Variants in NRG3 observed in about 807,000 individuals in gnomAD.
The protein encoded by NRG3 is pro-neuregulin-3, membrane-bound isoform.
Under a neutral mutation model 66.9 loss-of-function variants are expected in NRG3, and 31 were observed. The observed-to-expected ratio is 0.46, with a 90% confidence interval of 0.35 to 0.63. The LOEUF is 0.63. Among genes scored for constraint, NRG3 ranks in the 20% least tolerant of loss-of-function variants. The pLI is 0.00. For missense variants in NRG3, 910 were observed against 878.9 expected (o/e 1.04, Z -0.45); for synonymous variants, 393 against 359.4 (o/e 1.09, Z -1.06).
chr10:81,961,488 C>T (rs72835851), intron 1 of NRG3, among the ~76,000 whole-genome samples: 1 of 356 alleles, frequency 2.8e-3, no homozygotes. Context: ...AATTAATGAA[C>T]TAATGAACTA....
chr10:82,381,060 G>A (rs1290888905), intron 2 of NRG3, among the ~76,000 whole-genome samples: 1 of 152,066 alleles, frequency 6.6e-6, no homozygotes, highest in Non-Finnish European at 1.5e-5. Flanking sequence ...GTTAGACAAA[G>A]TTAAAAGGCA....
At chr10:82,932,145 G>A (rs566092162) in intron 4 of NRG3, among the ~76,000 whole-genome samples, 8 of 152,126 alleles carry the variant, frequency 5.3e-5, no homozygotes, top group East Asian at 1.9e-4. Flanking sequence ...CCTGCTTTCC[G>A]ACAGGTTTCA....
chr10:82,151,778 C>T (rs2070766160), intron 1 of NRG3, among the ~76,000 whole-genome samples: 1 of 152,078 alleles, frequency 6.6e-6, no homozygotes, highest in African/African-American at 2.4e-5. Flanking sequence ...GATCACTGTC[C>T]CATAAAAAAA....
Position 82,358,747 on chromosome 10 carries a change from A to G in NRG3, c.832A>G (p.Thr278Ala). The G allele has an allele frequency of 6.2e-7, 1 of 1,614,130 alleles. No individual in the cohort carries two copies. The highest frequency in any genetic ancestry group is 8.5e-7 in the Non-Finnish European group (1 of 1,179,984). ...TGTGCTTTCCCTGACAGATACGACG[A>G]CATATTCCACAGAGCGATCCGAGCA... is the stretch of plus-strand genomic sequence containing the variant. Reference protein sequence around the residue: ...TSTSPKFHTTTYSTERSEHFK... With the variant: ...TSTSPKFHTTAYSTERSEHFK... The change falls in exon 2 of 9, where the codon ACA becomes GCA. Residue 278 changes from threonine to alanine, a missense_variant. Coordinates refer to ENST00000372141, the MANE Select transcript of NRG3 (RefSeq NM_001010848.4).
Position 82,978,990 on chromosome 10 carries a change from A to G in NRG3, c.1453A>G (p.Met485Val), listed in dbSNP as rs143003674. The change falls in exon 8 of 9, where the codon ATG (methionine) becomes GTG (valine). Residue 485 changes from methionine (M) to valine (V), a missense_variant. Coordinates refer to ENST00000372141, the MANE Select transcript of NRG3 (RefSeq NM_001010848.4). ...CTGCAGCCCAGGGCAAAGAAGTGGC[A>G]TGCTCCATAGGAATGCCTTCAGAAG... is the stretch of plus-strand genomic sequence containing the variant. ...SCCSPGQRSG[M>V]LHRNAFRRTP... 1.9e-6 allele frequency: 3 copies of G among 1,613,920 alleles called. No individual in the cohort carries two copies. The African/African-American group carries it at 4.0e-5, about 22-fold the overall frequency.
chr10:82,681,644 CCTT>C (rs1249424216), intron 2 of NRG3, among the ~76,000 whole-genome samples: 2 of 152,126 alleles, frequency 1.3e-5, no homozygotes, highest in African/African-American at 4.8e-5. Flanking sequence ...AAAAGTGACA[CCTT>C]CTAAAATGAA....
At chr10:82,913,278 T>C (rs1460857077) in intron 4 of NRG3, among the ~76,000 whole-genome samples, 1 of 152,172 alleles carries the variant, frequency 6.6e-6, no homozygotes, top group Non-Finnish European at 1.5e-5. Flanking sequence ...CCTTATAACA[T>C]TGCTGTCATT....
At chr10:82,439,938 T>C (rs952773326) in intron 2 of NRG3, among the ~76,000 whole-genome samples, 2 of 152,084 alleles carry the variant, frequency 1.3e-5, no homozygotes, top group Non-Finnish European at 2.9e-5. Flanking sequence ...GTTTTGTTGT[T>C]GCTTTGTTTT....
intron 8 of NRG3, among the ~76,000 whole-genome samples, chr10:82,982,863 T>C (rs2132683804): frequency 6.6e-6 from 1 of 152,342 alleles, no homozygotes; most frequent in South Asian, 2.1e-4. Flanking sequence ...TTACCAGTCA[T>C]GTGTTCAAAG....
intron 2 of NRG3, among the ~76,000 whole-genome samples, chr10:82,575,214 AAAAC>A (rs1565086913): frequency 6.6e-6 from 1 of 151,812 alleles, no homozygotes; most frequent in African/African-American, 2.4e-5. Flanking sequence ...ATAGAAAACA[AAAAC>A]AAATCTGTAA....
At chr10:82,556,808 G>A (rs2044680709) in intron 2 of NRG3, among the ~76,000 whole-genome samples, 1 of 152,044 alleles carries the variant, frequency 6.6e-6, no homozygotes, top group African/African-American at 2.4e-5. Context: ...CCACCCTGAA[G>A]TAGATCCCAG....
At chr10:82,168,237 G>C (rs1446649778) in intron 1 of NRG3, among the ~76,000 whole-genome samples, 1 of 152,054 alleles carries the variant, frequency 6.6e-6, no homozygotes, top group Non-Finnish European at 1.5e-5. Context: ...ACATTTGGCT[G>C]TCTGCTTATA....
At chr10:81,953,078 T>C (rs534572525) in intron 1 of NRG3, among the ~76,000 whole-genome samples, 1 of 152,260 alleles carries the variant, frequency 6.6e-6, no homozygotes, top group African/African-American at 2.4e-5. Context: ...ACTTAGGGGC[T>C]CACATTTATT....
chr10:82,215,794 G>A (rs1322352349), intron 1 of NRG3, among the ~76,000 whole-genome samples: 11 of 150,322 alleles, frequency 7.3e-5, no homozygotes. Context: ...TTGACATCAT[G>A]CCTTTGTACT....
intron 1 of NRG3, among the ~76,000 whole-genome samples, chr10:82,119,427 A>G (rs1207779126): frequency 6.6e-6 from 1 of 152,180 alleles, no homozygotes; most frequent in Non-Finnish European, 1.5e-5. Context: ...TTGCTCATTT[A>G]ATCTTCACAA....
At chr10:82,704,827 A>T (rs1484874286) in intron 2 of NRG3, among the ~76,000 whole-genome samples, 6 of 152,146 alleles carry the variant, frequency 3.9e-5, no homozygotes, top group African/African-American at 1.4e-4. Context: ...ATATTTTAAA[A>T]TTTTCATGTT....
chr10:82,007,211 C>CT (rs34146080), intron 1 of NRG3, among the ~76,000 whole-genome samples: 67,263 of 130,492 alleles, frequency 0.52, 17,811 homozygotes, highest in South Asian at 0.64. Flanking sequence ...TTTTTCTTTT[C>CT]TTTTTTTTTT....
chr10:82,145,285 A>C (rs561492818), intron 1 of NRG3, among the ~76,000 whole-genome samples: 3 of 152,334 alleles, frequency 2.0e-5, no homozygotes, highest in African/African-American at 7.2e-5. Flanking sequence ...TTTCTTTCAT[A>C]AATGTGTGAA....
At chr10:82,871,120 G>A (rs1453035508) in intron 4 of NRG3, among the ~76,000 whole-genome samples, 5 of 152,074 alleles carry the variant, frequency 3.3e-5, no homozygotes, top group Admixed American at 3.3e-4. Flanking sequence ...CTGTGTCTAG[G>A]TGCATGTTTT....
Sources: allele counts gnomAD v4.1 joint callset (sites outside exome capture counted in the v4.1 genomes callset), GRCh38; gene constraint gnomAD v4.1.1; transcripts MANE v1.5; gene names NCBI Gene and HGNC (gene_info 2026-07-23, HGNC 2026-07-21).